The following PLEKHA2 variants were observed in gnomAD, a reference collection of about 807,000 sequenced individuals.
PLEKHA2 encodes pleckstrin homology domain containing A2.
In PLEKHA2, 28 loss-of-function variants were observed where a neutral mutation model predicts 53.2. The ratio of observed to expected loss-of-function variants is 0.53; its 90% CI spans 0.39 to 0.72. The LOEUF (loss-of-function observed/expected upper bound fraction) is 0.72, where lower values mean the gene tolerates loss of function less well. PLEKHA2 is among the 30% of genes least tolerant of loss of function. The pLI is 0.00. For synonymous variants in PLEKHA2, 193 were observed against 196.4 expected (o/e 0.98, Z 0.14); for missense variants, 426 against 537.9 (o/e 0.79, Z 2.06).
Position 38,951,710 on chromosome 8 carries a change from T to C in PLEKHA2, c.487-456T>C, listed in dbSNP as rs1229570628. Among the ~76,000 whole-genome samples, 12 of 151,978 alleles carry C rather than the reference T, an allele frequency of 7.9e-5. No individual in the cohort carries two copies. In the South Asian group the frequency reaches 2.5e-3, roughly 32 times the overall value. ...TGGAGATGGGGTTTTGCCATGTTGT[T>C]ATTTAATTTTTTTAGAGACAAGGTC... On this transcript the variant is annotated intron_variant, in intron 6 of 11. Transcript: ENST00000617275.
At chr8:38,947,327 G>A (rs1834733708) in intron 5 of PLEKHA2, among the ~76,000 whole-genome samples, 1 of 152,186 alleles carries the variant, frequency 6.6e-6, no homozygotes, top group African/African-American at 2.4e-5. Flanking sequence ...GCACACGCCT[G>A]TAGTCCCAGC....
intron 2 of PLEKHA2, among the ~76,000 whole-genome samples, chr8:38,933,545 G>A (rs752425109): frequency 6.6e-6 from 1 of 151,984 alleles, no homozygotes; most frequent in Admixed American, 6.6e-5. Context: ...AATGAGGTCA[G>A]GGGTGGTGGA....
At chr8:38,931,347 A>G (rs1035447015) in intron 2 of PLEKHA2, among the ~76,000 whole-genome samples, 9 of 152,080 alleles carry the variant, frequency 5.9e-5, no homozygotes, top group Non-Finnish European at 1.3e-4. Flanking sequence ...CTTCATTCCC[A>G]CCACCCACCG....
intron 10 of PLEKHA2, among the ~76,000 whole-genome samples, chr8:38,962,277 C>T (rs1036640897): frequency 6.6e-6 from 1 of 151,910 alleles, no homozygotes; most frequent in African/African-American, 2.4e-5. Flanking sequence ...TTGTTGGAGC[C>T]CAGGAGTGCG....
intron 10 of PLEKHA2, among the ~76,000 whole-genome samples, chr8:38,968,304 G>A (rs955419064): frequency 3.3e-5 from 5 of 152,086 alleles, no homozygotes; most frequent in African/African-American, 1.2e-4. Flanking sequence ...TTCTGGAGGG[G>A]GTGATGGACT....
At position 38,953,154 on chromosome 8, in the gene PLEKHA2, T is replaced by A; in HGVS notation, c.703-143T>A. ...CTCTGCCCAGCCAGATTTTTTTTTC[T>A]CTTGCTGATTATTTTGAGACCAGAT... On this transcript the variant is annotated intron_variant, in intron 8 of 11. Coordinates refer to ENST00000617275, the MANE Select transcript of PLEKHA2 (RefSeq NM_021623.2). 5.5e-6 allele frequency: 4 copies of A among 732,614 alleles called. No homozygotes were observed. The South Asian group carries it at 6.8e-5, about 12-fold the overall frequency. 45.4% of individuals were successfully genotyped at this position (732,614 alleles called of 1,614,324 possible).
chr8:38,954,175 C>G (rs1834894818), intron 9 of PLEKHA2, among the ~76,000 whole-genome samples: 1 of 152,232 alleles, frequency 6.6e-6, no homozygotes, highest in South Asian at 2.1e-4. Context: ...AGCAGGCCGA[C>G]TCTTCTCCCA....
At chr8:38,968,898 C>CTTTTT (rs761821480) in intron 11 of PLEKHA2, 6 of 250,702 alleles carry the variant, frequency 2.4e-5, no homozygotes, top group South Asian at 6.2e-5. Context: ...AATGGAATTT[C>CTTTTT]TTTTTTTTTT....
At chr8:38,926,241 T>C (rs1834286145) in intron 2 of PLEKHA2, among the ~76,000 whole-genome samples, 1 of 152,182 alleles carries the variant, frequency 6.6e-6, no homozygotes, top group Non-Finnish European at 1.5e-5. Flanking sequence ...ATATTTGATG[T>C]GCTTTTGTCT....
chr8:38,935,875 G>A (rs781277599), intron 2 of PLEKHA2, 119 bp from the exon 3 acceptor site: 171 of 857,674 alleles, frequency 2.0e-4, no homozygotes, highest in Non-Finnish European at 3.1e-4. Flanking sequence ...TTAAAGAATG[G>A]TTGAGTAACT....
chr8:38,903,908 A>G (rs1833831326), intron 1 of PLEKHA2, among the ~76,000 whole-genome samples: 1 of 152,176 alleles, frequency 6.6e-6, no homozygotes, highest in African/African-American at 2.4e-5. Context: ...CACCATGAAC[A>G]GTTTGGGTTG....
chr8:38,926,001 A>C (rs1307360280), intron 2 of PLEKHA2, among the ~76,000 whole-genome samples: 2 of 152,264 alleles, frequency 1.3e-5, no homozygotes, highest in Non-Finnish European at 2.9e-5. Context: ...ATGCAGAGTT[A>C]GTGACAAATT....
intron 1 of PLEKHA2, among the ~76,000 whole-genome samples, chr8:38,905,241 T>G (rs1833852289): frequency 6.6e-6 from 1 of 152,206 alleles, no homozygotes; most frequent in Admixed American, 6.5e-5. Flanking sequence ...GGGGATCACT[T>G]GAGGCTAAGA....
intron 9 of PLEKHA2, among the ~76,000 whole-genome samples, 191 bp downstream of exon 9, chr8:38,953,558 C>T (rs1834885394): frequency 6.6e-6 from 1 of 152,152 alleles, no homozygotes; most frequent in African/African-American, 2.4e-5. Context: ...GGCACACTTG[C>T]CCTCTTCCCA....
intron 1 of PLEKHA2, among the ~76,000 whole-genome samples, chr8:38,903,431 T>C (rs1036943442): frequency 1.5e-4 from 23 of 152,284 alleles, no homozygotes; most frequent in African/African-American, 5.1e-4. Context: ...GTTAAGGAAA[T>C]AGGGCCTGCA....
intron 3 of PLEKHA2, among the ~76,000 whole-genome samples, chr8:38,937,464 G>A (rs1345659942): frequency 6.6e-6 from 1 of 152,114 alleles, no homozygotes; most frequent in Non-Finnish European, 1.5e-5. Flanking sequence ...AAGGAAAACT[G>A]AAACCCTCTC....
At position 38,969,526 on chromosome 8, in the gene PLEKHA2, A is replaced by C. The variant is rs750213435; in HGVS notation, c.1021A>C (p.Lys341Gln). The change falls in exon 12 of 12, where the codon AAG (lysine) becomes CAG (glutamine). Residue 341 changes from lysine to glutamine, a missense_variant. Lys to Gln is a moderately conservative substitution (Grantham distance 53). Coordinates refer to ENST00000617275, the MANE Select transcript of PLEKHA2 (RefSeq NM_021623.2). ...LCRGRPPLEE[K>Q]KALCKAPSVA... ...CAGGGGGCGGCCACCTTTGGAGGAA[A>C]AGAAAGCCCTCTGCAAAGCCCCCTC... The C allele has an allele frequency of 1.9e-6, 3 of 1,613,302 alleles. No homozygotes were observed. In the African/African-American group the frequency reaches 4.0e-5, roughly 22 times the overall value.
At position 38,973,600 on chromosome 8, in the gene PLEKHA2, G is replaced by T. The variant is rs1418371122; in HGVS notation, c.*3817G>T. 1 of 150,368 alleles carries T rather than the reference G, an allele frequency of 6.7e-6. No individual in the cohort carries two copies. The highest frequency in any genetic ancestry group is 6.7e-5 in the Admixed American group (1 of 14,912). The allele number at this position is 150,368 out of a possible 1,614,324, so 9.3% of individuals were successfully genotyped here. A position where few individuals can be genotyped will look rare whatever the true frequency, so the allele number is the denominator to read the frequency against. ...TCTGCCAGCACCCTTTTCTTCCTTTGTTCCTTTTCCTCTCTGTGTTATTGC... is the reference window on the plus strand; with the variant it reads ...TCTGCCAGCACCCTTTTCTTCCTTTTTTCCTTTTCCTCTCTGTGTTATTGC... On this transcript the variant is annotated 3_prime_UTR_variant, in exon 12 of 12. Transcript: ENST00000617275.
At chr8:38,917,694 G>A (rs1285609490) in intron 1 of PLEKHA2, among the ~76,000 whole-genome samples, 1 of 152,198 alleles carries the variant, frequency 6.6e-6, no homozygotes, top group African/African-American at 2.4e-5. Flanking sequence ...TGGGCACATA[G>A]AGCCTTGGAA....
Sources: gnomAD v4.1 joint callset for allele counts (sites outside exome capture counted in the v4.1 genomes callset) on GRCh38, gnomAD v4.1.1 for gene constraint, MANE v1.5 for transcripts, NCBI Gene and HGNC (gene_info 2026-07-23, HGNC 2026-07-21) for gene names.